Variants in PTPRD observed in about 807,000 individuals in gnomAD.
PTPRD encodes protein tyrosine phosphatase receptor type D.
A neutral mutation model predicts 214.5 loss-of-function variants in PTPRD; 34 were observed. The observed-to-expected ratio is 0.16, with a 90% CI of 0.12 to 0.21. The LOEUF is 0.21. Ranked by LOEUF, PTPRD falls within the 10% of genes least tolerant of loss-of-function variation. The pLI is 1.00. For synonymous variants in PTPRD, 1,128 were observed against 845.7 expected (o/e 1.33, Z -5.79); for missense variants, 2,545 against 2,398.7 (o/e 1.06, Z -1.27).
intron 2 of PTPRD, among the ~76,000 whole-genome samples, chr9:10,557,666 G>C (rs545477760): frequency 8.9e-4 from 135 of 152,202 alleles, no homozygotes; most frequent in Non-Finnish European, 1.6e-3. Flanking sequence ...GATGGGCTCA[G>C]CTTAGATTAA....
intron 5 of PTPRD, among the ~76,000 whole-genome samples, chr9:9,792,177 G>C (rs1045774296): frequency 6.6e-6 from 1 of 151,922 alleles, no homozygotes; most frequent in African/African-American, 2.4e-5. Flanking sequence ...GTGGCAGCAA[G>C]ATGACCACCC....
chr9:10,041,636 T>C (rs1328156071), intron 3 of PTPRD, among the ~76,000 whole-genome samples: 1 of 151,868 alleles, frequency 6.6e-6, no homozygotes, highest in Admixed American at 6.6e-5. Flanking sequence ...GCAAGAAACA[T>C]AAAAAATCTC....
chr9:9,704,251 T>C (rs1267128809), intron 7 of PTPRD, among the ~76,000 whole-genome samples: 2 of 152,102 alleles, frequency 1.3e-5, no homozygotes, highest in Non-Finnish European at 2.9e-5. Flanking sequence ...CGCATTCTTC[T>C]TTTTTCTTTT....
At chr9:10,344,558 T>C (rs986890717) in intron 2 of PTPRD, among the ~76,000 whole-genome samples, 3 of 152,208 alleles carry the variant, frequency 2.0e-5, no homozygotes, top group Non-Finnish European at 4.4e-5. Flanking sequence ...TTTTTTCCAA[T>C]TCTGTGAAGA....
At chr9:9,322,948 C>T (rs79646921) in intron 9 of PTPRD, among the ~76,000 whole-genome samples, 39 of 152,176 alleles carry the variant, frequency 2.6e-4, no homozygotes, top group East Asian at 1.7e-3. Context: ...TTAAAAATGT[C>T]TATTCTGTTA....
At chr9:8,346,796 GGAAA>G (rs2073950037) in intron 39 of PTPRD, among the ~76,000 whole-genome samples, 1 of 152,072 alleles carries the variant, frequency 6.6e-6, no homozygotes, top group South Asian at 2.1e-4. Flanking sequence ...TTTTCAATAA[GGAAA>G]GAAAGAGAAA....
At chr9:10,571,558 C>T (rs1033517068) in intron 2 of PTPRD, among the ~76,000 whole-genome samples, 2 of 152,156 alleles carry the variant, frequency 1.3e-5, no homozygotes, top group African/African-American at 2.4e-5. Context: ...GTATTGTTTT[C>T]TGTGAACCTC....
intron 3 of PTPRD, among the ~76,000 whole-genome samples, chr9:10,338,608 T>G (rs1427519604): frequency 1.3e-5 from 2 of 151,748 alleles, no homozygotes; most frequent in Admixed American, 1.3e-4. Flanking sequence ...ATCTTTTTAT[T>G]GCAAATACCT....
intron 5 of PTPRD, among the ~76,000 whole-genome samples, chr9:9,879,048 C>A (rs1273987227): frequency 3.9e-5 from 6 of 152,094 alleles, no homozygotes; most frequent in Non-Finnish European, 5.9e-5. Flanking sequence ...ATTTTTCATT[C>A]AGTATTTTCT....
intron 14 of PTPRD, among the ~76,000 whole-genome samples, chr9:8,546,896 T>G (rs2080327632): frequency 6.6e-6 from 1 of 152,214 alleles, no homozygotes; most frequent in African/African-American, 2.4e-5. Context: ...CTAGAGATGT[T>G]AGTAGATTTG....
intron 30 of PTPRD, among the ~76,000 whole-genome samples, chr9:8,473,916 A>T (rs2096711036): frequency 6.6e-6 from 1 of 152,192 alleles, no homozygotes; most frequent in Admixed American, 6.5e-5. Context: ...TGGCAATTTG[A>T]AATTCTGTAT....
At chr9:10,423,800 G>A (rs1371728018) in intron 2 of PTPRD, among the ~76,000 whole-genome samples, 2 of 151,964 alleles carry the variant, frequency 1.3e-5, no homozygotes, top group African/African-American at 4.8e-5. Flanking sequence ...TCCATGACGT[G>A]TATACAGACA....
At chr9:10,331,793 G>GA (rs1440689533) in intron 3 of PTPRD, among the ~76,000 whole-genome samples, 1 of 151,738 alleles carries the variant, frequency 6.6e-6, no homozygotes, top group South Asian at 2.1e-4. Context: ...AATTTTAGAT[G>GA]AAAAAATACC....
intron 12 of PTPRD, among the ~76,000 whole-genome samples, chr9:8,718,501 T>G (rs1565528967): frequency 6.6e-6 from 1 of 152,196 alleles, no homozygotes; most frequent in Admixed American, 6.5e-5. Context: ...TTCTCCACAG[T>G]GGTTTCTGCT....
chr9:10,498,505 T>G (rs1168804955), intron 2 of PTPRD, among the ~76,000 whole-genome samples: 1 of 151,874 alleles, frequency 6.6e-6, no homozygotes, highest in African/African-American at 2.4e-5. Context: ...ACAGGTCACA[T>G]CAAATTTCTC....
At chr9:8,470,939 G>T in intron 31 of PTPRD, 56 bp downstream of exon 31, 1 of 1,495,936 alleles carries the variant, frequency 6.7e-7, no homozygotes. Context: ...GAGGGGGGCG[G>T]AAATGCAGCA....
intron 2 of PTPRD, among the ~76,000 whole-genome samples, chr9:10,372,119 G>C (rs946825293): frequency 1.3e-5 from 2 of 151,942 alleles, no homozygotes; most frequent in African/African-American, 2.4e-5. Flanking sequence ...AAGAAAGAAG[G>C]AGAAAGAGAA....
chr9:8,318,649 T>A (rs368404459), intron 45 of PTPRD, among the ~76,000 whole-genome samples: 61 of 152,156 alleles, frequency 4.0e-4, no homozygotes, highest in East Asian at 3.1e-3. Flanking sequence ...CAGGACTGGC[T>A]GCCCACATCA....
intron 5 of PTPRD, among the ~76,000 whole-genome samples, chr9:9,910,069 C>A (rs1463766373): frequency 6.6e-6 from 1 of 151,864 alleles, no homozygotes; most frequent in African/African-American, 2.4e-5. Context: ...GGCTCAACTG[C>A]TTACTACTTT....
Sources: allele counts gnomAD v4.1 joint callset (sites outside exome capture counted in the v4.1 genomes callset), GRCh38; gene constraint gnomAD v4.1.1; transcripts MANE v1.5; gene names NCBI Gene and HGNC (gene_info 2026-07-23, HGNC 2026-07-21).